Variants in CACNA1C observed in about 807,000 individuals in gnomAD.
The protein encoded by CACNA1C is calcium voltage-gated channel subunit alpha1 C, also known as voltage-dependent L-type calcium channel subunit alpha-1C.
Under a neutral mutation model 229.0 loss-of-function variants are expected in CACNA1C, and 30 were observed. The observed-to-expected ratio is 0.13, with a 90% CI of 0.10 to 0.18. The LOEUF (loss-of-function observed/expected upper bound fraction) is 0.18. Ranked by LOEUF, CACNA1C falls within the 10% of genes least tolerant of loss-of-function variation. The pLI is 1.00. For missense variants in CACNA1C, 1,658 were observed against 2,845.0 expected, an observed-to-expected ratio of 0.58 and a Z score of 9.49; for synonymous variants, 1,114 against 1,132.5, an observed-to-expected ratio of 0.98 and a Z score of 0.33.
rs2095347719 is a variant in CACNA1C at position 2,152,720 on chromosome 12, A to C, written c.477+32290A>C. On this transcript the variant is annotated intron_variant, in intron 3 of 46. Coordinates refer to ENST00000399655, the MANE Select transcript of CACNA1C (RefSeq NM_000719.7). This position sits in a 1 kb window ranked among gnomAD's most constrained non-coding sequence, Gnocchi z 4.2. ...AAATAAAAATAAAACAACAGATAGC[A>C]CTTGGATAAGTTGGCCAAGTTCAAG... Among the ~76,000 whole-genome samples, 1 of 152,224 alleles carries C rather than the reference A, an allele frequency of 6.6e-6. No individual in the cohort carries two copies. The highest frequency in any genetic ancestry group is 1.5e-5 in the Non-Finnish European group (1 of 68,044).
In CACNA1C at chr12:2,601,731, G is replaced by T. The variant is rs1379364661; in HGVS notation, c.2854-123G>T. 1 of 726,438 alleles carries T rather than the reference G, an allele frequency of 1.4e-6. No homozygotes were observed. The highest frequency in any genetic ancestry group is 2.6e-6 in the Non-Finnish European group (1 of 391,716). The allele number at this position is 726,438 out of a possible 1,614,324, so 45.0% of individuals were successfully genotyped here. ...CCATAGCGCCGTCTTTGTCCTTCCTGTTCCCCATGGATGGTGCTTGGGACT... is the reference window on the plus strand; with the variant it reads ...CCATAGCGCCGTCTTTGTCCTTCCTTTTCCCCATGGATGGTGCTTGGGACT... On this transcript the variant is annotated intron_variant, in intron 21 of 46. Transcript: ENST00000399655. The surrounding 1 kb of genome is among the most constrained non-coding windows in gnomAD (Gnocchi z 5.9).
At chr12:2,574,503 G>T (rs944789749) in intron 13 of CACNA1C, among the ~76,000 whole-genome samples, 1 of 152,100 alleles carries the variant, frequency 6.6e-6, no homozygotes, top group African/African-American at 2.4e-5. Flanking sequence ...TATTTCTCCT[G>T]CTGCTCCTCC....
Position 2,696,715 on chromosome 12 carries a change from G to A in CACNA1C, c.*5516G>A, listed in dbSNP as rs1222987584. 1.3e-5 allele frequency: 2 copies of A among 152,126 alleles called. No individual in the cohort carries two copies. Among genetic ancestry groups the A allele is most frequent in the South Asian group, 4.1e-4 (2 of 4,830 alleles). The allele number at this position is 152,126 out of a possible 1,614,324, so 9.4% of individuals were successfully genotyped here. ...AGAATGATTCTTATTCACTGTTTGG[G>A]TCTGGAGAATTCCCATTGTGGAAAT... On this transcript the variant is annotated 3_prime_UTR_variant, in exon 47 of 47. Coordinates refer to ENST00000399655, the MANE Select transcript of CACNA1C (RefSeq NM_000719.7).
chr12:2,056,196 AGTGTGTGTGTGTGTGTGTGT>A lies in CACNA1C; in HGVS notation c.49+2608_49+2627del, dbSNP rs138718348. On this transcript the variant is annotated intron_variant, in intron 1 of 46. Coordinates refer to ENST00000399655, the MANE Select transcript of CACNA1C (RefSeq NM_000719.7). Reference sequence around the variant, plus strand: ...GTGTGTGCATGTGTGAGTGTGTGTGAGTGTGTGTGTGTGTGTGTGTGTGTGTGTGTGTGTGTGTGTGTTGA... The same window carrying A: ...GTGTGTGCATGTGTGAGTGTGTGTGAGTGTGTGTGTGTGTGTGTGTGTTGA... 4.2e-4 allele frequency among the ~76,000 whole-genome samples: 61 copies of A among 146,116 alleles called. No homozygotes were observed. The South Asian group carries it at 7.1e-3, about 17-fold the overall frequency.
At position 2,450,540 on chromosome 12, in the gene CACNA1C, C is replaced by T. The variant is rs538052179; in HGVS notation, c.617+1425C>T. 4.8e-3 allele frequency among the ~76,000 whole-genome samples: 477 copies of T among 99,344 alleles called. 4 individuals are homozygous for T. Among genetic ancestry groups the T allele is most frequent in the African/African-American group, 0.018 (394 of 21,846 alleles). 65.2% of individuals were successfully genotyped at this position (99,344 alleles called of 152,430 possible). A position where few individuals can be genotyped will look rare whatever the true frequency, so the allele number is the denominator to read the frequency against. On this transcript the variant is annotated intron_variant, in intron 4 of 46. Transcript: ENST00000399655. ...CTGCACTCCAGCCTGGGCAACAGAGCGAGACTCCATCTCAAAAAAAAAAAA... is the reference window on the plus strand; with the variant it reads ...CTGCACTCCAGCCTGGGCAACAGAGTGAGACTCCATCTCAAAAAAAAAAAA...
In CACNA1C at chr12:2,053,753, C is replaced by T. The variant is rs1272990002; in HGVS notation, c.49+142C>T. 4 of 857,490 alleles carry T rather than the reference C, an allele frequency of 4.7e-6. No individual in the cohort carries two copies. The Admixed American group carries it at 1.4e-4, about 30-fold the overall frequency. The allele number at this position is 857,490 out of a possible 1,614,324, so 53.1% of individuals were successfully genotyped here. A position where few individuals can be genotyped will look rare whatever the true frequency, so the allele number is the denominator to read the frequency against. ...TCCGCGAGGGGCGCCTCCGCCTCGT[C>T]GGAGCGCCCGGGAGCCCGGCGGGAC... is the stretch of plus-strand genomic sequence containing the variant. On this transcript the variant is annotated intron_variant, in intron 1 of 46. Coordinates refer to ENST00000399655, the MANE Select transcript of CACNA1C (RefSeq NM_000719.7). This position sits in a 1 kb window ranked among gnomAD's most constrained non-coding sequence, Gnocchi z 5.8.
intron 3 of CACNA1C, among the ~76,000 whole-genome samples, chr12:2,151,138 A>C (rs1597391606): frequency 6.6e-6 from 1 of 152,334 alleles, no homozygotes; most frequent in East Asian, 1.9e-4. Context: ...CTATGGCCAC[A>C]ACTCAACTCA....
rs549986468 is a variant in CACNA1C, at chr12:2,486,486, G to T, written c.916+224G>T. Among the ~76,000 whole-genome samples, 1 of 152,134 alleles carries T rather than the reference G, an allele frequency of 6.6e-6. No individual in the cohort carries two copies. Among genetic ancestry groups the T allele is most frequent in the Non-Finnish European group, 1.5e-5 (1 of 68,028 alleles). On this transcript the variant is annotated intron_variant, in intron 6 of 46. Coordinates refer to ENST00000399655, the MANE Select transcript of CACNA1C (RefSeq NM_000719.7). This position sits in a 1 kb window ranked among gnomAD's most constrained non-coding sequence, Gnocchi z 4.9. ...GTTAAACCGGCCTAACGCAAACTTC[G>T]TTCAGCACTTTTCAATAAGCTACAC...
At chr12:2,010,245 A>T (rs2044170560) in intron 1 of CACNA1C, among the ~76,000 whole-genome samples, 1 of 152,232 alleles carries the variant, frequency 6.6e-6, no homozygotes, top group Non-Finnish European at 1.5e-5. Context: ...GAAACTTCAC[A>T]GAGGAAGATA....
intron 8 of CACNA1C, among the ~76,000 whole-genome samples, chr12:2,510,309 C>T (rs925478209): frequency 5.9e-5 from 9 of 152,136 alleles, no homozygotes; most frequent in African/African-American, 1.2e-4. Flanking sequence ...GATCCTTTAC[C>T]GTGGGAAACC....
At chr12:2,102,917 TC>T (rs1354422482) in intron 1 of CACNA1C, among the ~76,000 whole-genome samples, 1 of 152,232 alleles carries the variant, frequency 6.6e-6, no homozygotes, top group African/African-American at 2.4e-5. Flanking sequence ...CATGAACTCA[TC>T]CTTTTTTATG....
chr12:2,596,040 T>G, intron 20 of CACNA1C, 37 bp downstream of exon 20: 1 of 1,577,380 alleles, frequency 6.3e-7, no homozygotes, highest in South Asian at 1.2e-5. Context: ...TCCTTCCCCC[T>G]GGGGCTGTGC....
At chr12:2,248,420 G>A (rs891072868) in intron 3 of CACNA1C, among the ~76,000 whole-genome samples, 1 of 152,198 alleles carries the variant, frequency 6.6e-6, no homozygotes, top group Admixed American at 6.5e-5. Context: ...TGAAGGAACC[G>A]AGGCCGCCTC....
Position 2,512,036 on chromosome 12 carries a change from G to C in CACNA1C, c.1218-776G>C, listed in dbSNP as rs1297035930. The stretch of plus-strand genomic sequence containing the variant: ...AATCTTCATTTGTCTTCATGTGGGA[G>C]AGAACCTTCTCTAGATTAGAAATCC... On this transcript the variant is annotated intron_variant, in intron 8 of 46. Transcript: ENST00000399655. The surrounding 1 kb of genome is among the most constrained non-coding windows in gnomAD (Gnocchi z 4.3). Among the ~76,000 whole-genome samples, 2 of 152,220 alleles carry C rather than the reference G, an allele frequency of 1.3e-5. No homozygotes were observed. The highest frequency in any genetic ancestry group is 2.4e-5 in the African/African-American group (1 of 41,448).
At chr12:2,276,259 G>A (rs1343316300) in intron 3 of CACNA1C, among the ~76,000 whole-genome samples, 1 of 152,182 alleles carries the variant, frequency 6.6e-6, no homozygotes, top group Non-Finnish European at 1.5e-5. Flanking sequence ...GTTGCAGTCT[G>A]TCCAAAAGTG....
intron 3 of CACNA1C, among the ~76,000 whole-genome samples, chr12:2,291,777 C>T (rs112926450): frequency 1.3e-5 from 2 of 152,182 alleles, no homozygotes; most frequent in African/African-American, 4.8e-5. Context: ...CCACTGGAAT[C>T]GGTCCTTTTG....
intron 3 of CACNA1C, among the ~76,000 whole-genome samples, chr12:2,307,861 A>G (rs1182873395): frequency 1.3e-5 from 2 of 152,324 alleles, no homozygotes; most frequent in East Asian, 1.9e-4. Flanking sequence ...TATGAAAAGT[A>G]AGGTAGAAAC....
chr12:2,218,229 T>C (rs376484123), intron 3 of CACNA1C, among the ~76,000 whole-genome samples: 3 of 152,212 alleles, frequency 2.0e-5, no homozygotes, highest in East Asian at 3.8e-4. Flanking sequence ...CCTCAGTGGA[T>C]GTCCAGTAAA....
At chr12:2,557,630 T>C (rs2045167873) in intron 11 of CACNA1C, among the ~76,000 whole-genome samples, 1 of 152,254 alleles carries the variant, frequency 6.6e-6, no homozygotes, top group African/African-American at 2.4e-5. Context: ...CTCACACTTC[T>C]GTTCAGACCC....
Sources: gnomAD v4.1 joint callset for allele counts (sites outside exome capture counted in the v4.1 genomes callset) on GRCh38, gnomAD v4.1.1 for gene constraint, Gnocchi (gnomAD v3.1) non-coding constraint, MANE v1.5 for transcripts, NCBI Gene and HGNC (gene_info 2026-07-23, HGNC 2026-07-21) for gene names.